Variants in TNPO1 observed in about 807,000 individuals in gnomAD.
TNPO1 encodes transportin-1.
In TNPO1, 8 loss-of-function variants were observed where a neutral mutation model predicts 119.5. That is an observed-to-expected ratio of 0.07 (90% CI 0.04 to 0.12). The LOEUF is 0.12. Among genes scored for constraint, TNPO1 ranks in the 10% least tolerant of loss-of-function variants. The probability of loss-of-function intolerance (pLI) is 1.00; values close to 1 mark genes in which losing one functional copy is unlikely to be tolerated. For missense variants in TNPO1, 576 were observed against 1,089.8 expected (o/e 0.53, Z 6.64); for synonymous variants, 362 against 363.0 (o/e 1.00, Z 0.03).
chr5:72,816,989 C>G, intron 1 of TNPO1: 2 of 483,580 alleles, frequency 4.1e-6, no homozygotes. Context: ...CTCAAGCGTC[C>G]GAGGATCCCG....
chr5:72,838,142 T>C (rs1267122022), intron 1 of TNPO1, among the ~76,000 whole-genome samples: 1 of 152,194 alleles, frequency 6.6e-6, no homozygotes, highest in Non-Finnish European at 1.5e-5. Context: ...CTCTGATCCT[T>C]TTCTCATTCA....
chr5:72,825,705 A>G (rs898096247), intron 1 of TNPO1: 10 of 152,372 alleles, frequency 6.6e-5, no homozygotes, highest in East Asian at 1.9e-4. Context: ...ACAAAACTCT[A>G]GAGAGATCCC....
intron 11 of TNPO1, among the ~76,000 whole-genome samples, chr5:72,886,717 T>TTTTAGA (rs1192762496): frequency 3.3e-5 from 5 of 151,674 alleles, no homozygotes; most frequent in Non-Finnish European, 5.9e-5. Flanking sequence ...GCCAACATGG[T>TTTTAGA]GAAACCCCGT....
At chr5:72,870,077 G>A (rs563105360) in intron 6 of TNPO1, among the ~76,000 whole-genome samples, 1 of 150,822 alleles carries the variant, frequency 6.6e-6, no homozygotes, top group African/African-American at 2.4e-5. Context: ...TTTATGAAAA[G>A]CCTTGTTGGA....
In TNPO1 at chr5:72,862,992, T is replaced by TTGTGTGTGTGTGTG. The variant is rs71614493; in HGVS notation, c.462+1099_462+1112dup. Among the ~76,000 whole-genome samples, 206 of 144,862 alleles carry TTGTGTGTGTGTGTG rather than the reference T, an allele frequency of 1.4e-3. 1 individual carries two copies. The highest frequency in any genetic ancestry group is 3.8e-3 in the South Asian group (17 of 4,512). ...TACATTAACTCTGACCTGTGGGTTTTTGTGTGTGTGTGTGTGTGTGTGTGT... is the reference window on the plus strand; with the variant it reads ...TACATTAACTCTGACCTGTGGGTTTTTGTGTGTGTGTGTGTGTGTGTGTGTGTGTGTGTGTGTGT... On this transcript the variant is annotated intron_variant, in intron 5 of 24. Coordinates refer to ENST00000337273, the MANE Select transcript of TNPO1 (RefSeq NM_002270.4).
At chr5:72,851,696 G>C (rs1467029515) in intron 3 of TNPO1, among the ~76,000 whole-genome samples, 1 of 152,164 alleles carries the variant, frequency 6.6e-6, no homozygotes, top group Non-Finnish European at 1.5e-5. Context: ...GTTTTGCCTT[G>C]TTGGCCAGGC....
In TNPO1 at chr5:72,881,174, G is replaced by A. The variant is rs760852131; in HGVS notation, c.921-1293G>A. ...TTCCCAGGCTGGAGTGCAGTGGCGCGATCTCAGCTCACTACAAGCTCCACC... is the reference window on the plus strand; with the variant it reads ...TTCCCAGGCTGGAGTGCAGTGGCGCAATCTCAGCTCACTACAAGCTCCACC... On this transcript the variant is annotated intron_variant, in intron 9 of 24. Transcript: ENST00000337273. Among the ~76,000 whole-genome samples the A allele has an allele frequency of 5.3e-4, 81 of 152,000 alleles. 1 individual carries two copies. The highest frequency in any genetic ancestry group is 2.9e-3 in the Admixed American group (44 of 15,256).
intron 1 of TNPO1, among the ~76,000 whole-genome samples, chr5:72,820,778 A>G (rs924958895): frequency 2.0e-5 from 3 of 152,208 alleles, no homozygotes; most frequent in African/African-American, 4.8e-5. Flanking sequence ...TTTTTAAGAT[A>G]GCTAAACTGA....
rs764531690 is a variant in TNPO1, at chr5:72,882,507, A to G, written c.961A>G (p.Ile321Val). 1 of 1,610,316 alleles carries G rather than the reference A, an allele frequency of 6.2e-7. No homozygotes were observed. The highest frequency in any genetic ancestry group is 8.5e-7 in the Non-Finnish European group (1 of 1,178,146). Reference protein sequence around the residue: ...VLVNGMKYSDIDIILLKGDVE... With the variant: ...VLVNGMKYSDVDIILLKGDVE... ...AGTGAATGGCATGAAGTACTCAGAC[A>G]TAGATATTATCCTACTTAAGGTAAG... is the stretch of plus-strand genomic sequence containing the variant. The change falls in exon 10 of 25, where the codon ATA becomes GTA. Residue 321 changes from isoleucine (I) to valine (V), a missense_variant. By Grantham distance (29) the Ile-to-Val change is conservative (BLOSUM62 3). This residue lies in a region of TNPO1 where 310 missense variants were observed against 583.0 expected (regional missense o/e 0.53). Coordinates refer to ENST00000337273, the MANE Select transcript of TNPO1 (RefSeq NM_002270.4).
intron 1 of TNPO1, among the ~76,000 whole-genome samples, chr5:72,833,747 TTC>T (rs756517497): frequency 6.6e-6 from 1 of 152,244 alleles, no homozygotes; most frequent in Non-Finnish European, 1.5e-5. Context: ...TCACATTTCA[TTC>T]TGTTTTTTAT....
rs1749950221 is a variant in TNPO1, at chr5:72,903,765, C to G, written c.2571C>G (p.Leu857=). The change falls in exon 23 of 25, where the codon CTC becomes CTG. Residue 857 remains leucine (L), a synonymous_variant. Transcript: ENST00000337273. ...VASWINPKDD[L]RDMFCKILHG... is the part of the protein sequence containing the mutation. ...CATGGATTAACCCAAAAGATGATCT[C>G]AGAGACATGTTCTGTAAGGTAACTA... is the stretch of plus-strand genomic sequence containing the variant. 1 of 1,607,936 alleles carries G rather than the reference C, an allele frequency of 6.2e-7. No homozygotes were observed. Among genetic ancestry groups the G allele is most frequent in the Non-Finnish European group, 8.5e-7 (1 of 1,176,538 alleles).
chr5:72,905,832 G>T (rs972506242), intron 24 of TNPO1, among the ~76,000 whole-genome samples: 1 of 152,144 alleles, frequency 6.6e-6, no homozygotes, highest in African/African-American at 2.4e-5. Context: ...GGGAGATGGG[G>T]GTTGCAGTGA....
chr5:72,882,389 G>A, intron 9 of TNPO1, 78 bp from the exon 10 acceptor site: 1 of 1,053,514 alleles, frequency 9.5e-7, no homozygotes, highest in Non-Finnish European at 1.4e-6. Flanking sequence ...GGTTTTATTA[G>A]TACATGTAAG....
intron 5 of TNPO1, among the ~76,000 whole-genome samples, chr5:72,863,212 T>TAAC: frequency 6.6e-6 from 1 of 152,164 alleles, no homozygotes; most frequent in East Asian, 1.9e-4. Context: ...TTTGACTCTG[T>TAAC]AAAGCATCGA....
chr5:72,828,299 A>G (rs1744293099), intron 1 of TNPO1, among the ~76,000 whole-genome samples: 1 of 152,172 alleles, frequency 6.6e-6, no homozygotes, highest in African/African-American at 2.4e-5. Context: ...ACTATTTACA[A>G]CTTTCAAGAT....
chr5:72,830,446 TAAC>T (rs556298324), intron 1 of TNPO1, among the ~76,000 whole-genome samples: 325 of 152,332 alleles, frequency 2.1e-3, no homozygotes, highest in African/African-American at 7.3e-3. Flanking sequence ...TTGAATTTAA[TAAC>T]AATTTAAATT....
chr5:72,855,814 T>G lies in TNPO1; in HGVS notation c.246T>G (p.Asn82Lys). 1.9e-6 allele frequency: 3 copies of G among 1,612,028 alleles called. No individual in the cohort carries two copies. The highest frequency in any genetic ancestry group is 2.5e-6 in the Non-Finnish European group (3 of 1,179,624). The change falls in exon 4 of 25, where the codon AAT (asparagine) becomes AAG (lysine). Residue 82 changes from asparagine (N) to lysine (K), a missense_variant. This residue lies in a region of TNPO1 where 310 missense variants were observed against 583.0 expected (regional missense o/e 0.53). Transcript: ENST00000337273. ...TRSLSGLILK[N>K]NVKAHFQNFP... ...CATTGAGTGGTCTTATCTTGAAGAA[T>G]AATGTGAAAGCACACTTTCAGAACT...
chr5:72,884,165 A>C lies in TNPO1; in HGVS notation c.1150+933A>C, dbSNP rs547998879. 1.3e-3 allele frequency among the ~76,000 whole-genome samples: 203 copies of C among 152,286 alleles called. 1 individual carries two copies. Among genetic ancestry groups the C allele is most frequent in the African/African-American group, 4.6e-3 (192 of 41,554 alleles). ...CCAGGATGTTTTCCAAAGTGACTGC[A>C]CCATTCTGCTTTCCTAGCAGCATTG... On this transcript the variant is annotated intron_variant, in intron 11 of 24. Transcript: ENST00000337273.
Position 72,816,926 on chromosome 5 carries a change from T to C in TNPO1, c.15+174T>C, listed in dbSNP as rs1039005614. 12 of 713,868 alleles carry C rather than the reference T, an allele frequency of 1.7e-5. No homozygotes were observed. The African/African-American group carries it at 2.1e-4, about 12-fold the overall frequency. The allele number at this position is 713,868 out of a possible 1,614,324, so 44.2% of individuals were successfully genotyped here. A position where few individuals can be genotyped will look rare whatever the true frequency, so the allele number is the denominator to read the frequency against. On this transcript the variant is annotated intron_variant, in intron 1 of 24. Transcript: ENST00000337273. ...GCGGCGCGGTTCTAACCCCAACAGCTGCCCGCCCAGGCGCCCTGCGGGACC... is the reference window on the plus strand; with the variant it reads ...GCGGCGCGGTTCTAACCCCAACAGCCGCCCGCCCAGGCGCCCTGCGGGACC...
Sources: gnomAD v4.1 joint callset for allele counts (sites outside exome capture counted in the v4.1 genomes callset) on GRCh38, gnomAD v4.1.1 for gene constraint, gnomAD v4.1.1 regional missense constraint, MANE v1.5 for transcripts, NCBI Gene and HGNC (gene_info 2026-07-23, HGNC 2026-07-21) for gene names.